Variants in AKAP19 observed in about 807,000 individuals in gnomAD.
AKAP19 encodes small A-kinase anchoring protein.
At chr2:190,162,558 T>C in the AKAP19 span, among the ~76,000 whole-genome samples, 13 of 152,188 alleles carry the variant, frequency 8.5e-5, no homozygotes, top group Admixed American at 8.5e-4. Flanking sequence ...TGCTACTACA[T>C]TTATGACTAT....
At chr2:190,125,777 T>C in the AKAP19 span, among the ~76,000 whole-genome samples, 1 of 151,918 alleles carries the variant, frequency 6.6e-6, no homozygotes, top group Non-Finnish European at 1.5e-5. Context: ...GGGAACAAAA[T>C]AAATGCTTCC....
chr2:190,203,242 A>T, the AKAP19 span: 1 of 167,078 alleles, frequency 6.0e-6, no homozygotes, highest in Non-Finnish European at 1.5e-5. Flanking sequence ...TCTAACAAAT[A>T]TATTGTTTGC....
chr2:189,933,757 T>A, the AKAP19 span, among the ~76,000 whole-genome samples: 32 of 152,250 alleles, frequency 2.1e-4, no homozygotes, highest in African/African-American at 7.7e-4. Context: ...CTATAGGAAA[T>A]GCTTATCTGA....
chr2:190,098,704 A>T, the AKAP19 span, among the ~76,000 whole-genome samples: 1 of 152,206 alleles, frequency 6.6e-6, no homozygotes. Context: ...TCTCCTCTCT[A>T]GCTATGAAAG....
the AKAP19 span, among the ~76,000 whole-genome samples, chr2:190,049,526 A>T: frequency 6.6e-6 from 1 of 152,248 alleles, no homozygotes; most frequent in Non-Finnish European, 1.5e-5. Context: ...TCACGAACCC[A>T]CATGCAGTGT....
At chr2:189,975,875 G>A in the AKAP19 span, among the ~76,000 whole-genome samples, 2 of 152,102 alleles carry the variant, frequency 1.3e-5, no homozygotes, top group Non-Finnish European at 2.9e-5. Context: ...ATTCTAGTTA[G>A]CCATTCGTCT....
the AKAP19 span, among the ~76,000 whole-genome samples, chr2:190,013,877 A>C: frequency 1.4e-4 from 21 of 151,974 alleles, no homozygotes; most frequent in Non-Finnish European, 1.9e-4. Context: ...TGTAAAAAAA[A>C]CCAACTCTTG....
At chr2:189,999,960 A>G in the AKAP19 span, among the ~76,000 whole-genome samples, 1 of 152,220 alleles carries the variant, frequency 6.6e-6, no homozygotes, top group Admixed American at 6.5e-5. Context: ...TTGCTAACTA[A>G]CGTAGGCAAT....
the AKAP19 span, among the ~76,000 whole-genome samples, chr2:189,976,763 G>A: frequency 7.9e-5 from 12 of 152,302 alleles, no homozygotes; most frequent in South Asian, 2.1e-4. Flanking sequence ...TGTGGGCTTC[G>A]GACACTCTGA....
the AKAP19 span, among the ~76,000 whole-genome samples, chr2:190,122,810 CTT>C: frequency 3.5e-5 from 5 of 144,664 alleles, no homozygotes; most frequent in African/African-American, 5.0e-5. Flanking sequence ...CTCTCTCTCT[CTT>C]TTTTTTTTTT....
chr2:189,976,818 T>G, the AKAP19 span, among the ~76,000 whole-genome samples: 1 of 152,200 alleles, frequency 6.6e-6, no homozygotes, highest in African/African-American at 2.4e-5. Flanking sequence ...TTACTAAGAT[T>G]GTTGGAAAAG....
the AKAP19 span, among the ~76,000 whole-genome samples, chr2:189,958,363 G>T: frequency 6.6e-6 from 1 of 151,784 alleles, no homozygotes; most frequent in Non-Finnish European, 1.5e-5. Flanking sequence ...TTAAAATTCT[G>T]AGAATATCAA....
chr2:189,901,149 A>T, the AKAP19 span, among the ~76,000 whole-genome samples: 1 of 152,070 alleles, frequency 6.6e-6, no homozygotes, highest in East Asian at 1.9e-4. Context: ...TGAAAAAAAA[A>T]TTACTAATTT....
the AKAP19 span, among the ~76,000 whole-genome samples, chr2:190,198,504 G>T: frequency 1.3e-5 from 2 of 151,794 alleles, no homozygotes; most frequent in African/African-American, 4.8e-5. Flanking sequence ...ATGGTGACTT[G>T]TGCCTGCAGG....
At chr2:189,923,505 A>C in the AKAP19 span, 1 of 1,613,890 alleles carries the variant, frequency 6.2e-7, no homozygotes, top group Non-Finnish European at 8.5e-7. Context: ...TTCTTTCAGT[A>C]TGTTAATGAG....
chr2:190,133,063 C>T, the AKAP19 span, among the ~76,000 whole-genome samples: 1 of 151,490 alleles, frequency 6.6e-6, no homozygotes, highest in Non-Finnish European at 1.5e-5. Context: ...AGTGAAACCC[C>T]GTCTCTACTA....
chr2:190,002,142 C>T, the AKAP19 span, among the ~76,000 whole-genome samples: 5 of 152,182 alleles, frequency 3.3e-5, no homozygotes, highest in Admixed American at 1.3e-4. Flanking sequence ...ACATTCCTAA[C>T]GTTCTCATCT....
At chr2:190,057,269 C>T in the AKAP19 span, 10 of 1,613,060 alleles carry the variant, frequency 6.2e-6, no homozygotes, top group Non-Finnish European at 8.5e-6. Context: ...CATGAGCACC[C>T]ACAGCGGTCT....
At chr2:190,102,650 C>G in the AKAP19 span, among the ~76,000 whole-genome samples, 1 of 152,012 alleles carries the variant, frequency 6.6e-6, no homozygotes, top group Non-Finnish European at 1.5e-5. Context: ...AATTGAAACC[C>G]TGAACAGACC....
Sources: gnomAD v4.1 joint callset for allele counts (sites outside exome capture counted in the v4.1 genomes callset) on GRCh38, gnomAD v4.1.1 for gene constraint, MANE v1.5 for transcripts, NCBI Gene and HGNC (gene_info 2026-07-23, HGNC 2026-07-21) for gene names.